The following ANKRD24 variants were observed in gnomAD, a reference collection of about 807,000 sequenced individuals.
The protein encoded by ANKRD24 is ankyrin repeat domain 24.
Under a neutral mutation model 127.8 loss-of-function variants are expected in ANKRD24, and 109 were observed. The ratio of observed to expected loss-of-function variants is 0.85; its 90% CI spans 0.73 to 1.00. The LOEUF (loss-of-function observed/expected upper bound fraction) is 1.00, where lower values mean the gene tolerates loss of function less well. Among genes scored for constraint, ANKRD24 ranks in the 50% least tolerant of loss-of-function variants. ANKRD24 has a pLI of 0.00. For synonymous variants in ANKRD24, 743 were observed against 671.1 expected, an observed-to-expected ratio of 1.11 and a Z score of -1.66; for missense variants, 1,648 against 1,570.2, an observed-to-expected ratio of 1.05 and a Z score of -0.84.
Position 4,202,867 on chromosome 19 carries a change from A to T in ANKRD24, c.409-2A>T. ...GCCTCAAAGGACTCGCCCCATCCCC[A>T]GGCTTCCTGCGTGGTGGACGTCGTG... On this transcript the variant is annotated splice_acceptor_variant, in intron 6 of 21. Transcript: ENST00000318934. LOFTEE classifies it high-confidence loss of function. 6.3e-7 allele frequency: 1 copy of T among 1,588,642 alleles called. No homozygotes were observed. Among genetic ancestry groups the T allele is most frequent in the South Asian group, 1.2e-5 (1 of 86,600 alleles).
rs1027386223 is a variant in ANKRD24 at position 4,198,056 on chromosome 19, G to A, written c.37-1627G>A. On this transcript the variant is annotated intron_variant, in intron 2 of 21. Coordinates refer to ENST00000318934, the MANE Select transcript of ANKRD24 (RefSeq NM_001393985.1). The surrounding 1 kb of genome is among the most constrained non-coding windows in gnomAD (Gnocchi z 6.1). Reference sequence around the variant, plus strand: ...GCCGGCCGCGTGGAGGTGCGAGGCTGCGGACGTCGCGGGCCCGGAGGCACC... The same window carrying A: ...GCCGGCCGCGTGGAGGTGCGAGGCTACGGACGTCGCGGGCCCGGAGGCACC... The A allele has an allele frequency of 7.2e-6, 3 of 415,560 alleles. No homozygotes were observed. Among genetic ancestry groups the A allele is most frequent in the African/African-American group, 4.1e-5 (2 of 48,582 alleles). 25.7% of individuals were successfully genotyped at this position (415,560 alleles called of 1,614,324 possible).
chr19:4,194,528 A>G lies in ANKRD24; in HGVS notation c.37-5155A>G, dbSNP rs1360360679. 2.0e-5 allele frequency among the ~76,000 whole-genome samples: 3 copies of G among 152,028 alleles called. No homozygotes were observed. In the East Asian group the frequency reaches 5.8e-4, roughly 29 times the overall value. On this transcript the variant is annotated intron_variant, in intron 2 of 21. Coordinates refer to ENST00000318934, the MANE Select transcript of ANKRD24 (RefSeq NM_001393985.1). ...ATTTTGCTTTTCTCTCCCCCCTCCAACGACTCACACGTGTAAATACCATTC... is the reference window on the plus strand; with the variant it reads ...ATTTTGCTTTTCTCTCCCCCCTCCAGCGACTCACACGTGTAAATACCATTC...
In ANKRD24 at chr19:4,215,100, G is replaced by C. The variant is rs886575042; in HGVS notation, c.1198-878G>C. On this transcript the variant is annotated intron_variant, in intron 15 of 21. Transcript: ENST00000318934. Reference sequence around the variant, plus strand: ...CATGGCACATAGGCCAGGAAGCTGGGGGATGCTGGCATACACCATGCATCT... The same window carrying C: ...CATGGCACATAGGCCAGGAAGCTGGCGGATGCTGGCATACACCATGCATCT... Among the ~76,000 whole-genome samples, 7 of 152,304 alleles carry C rather than the reference G, an allele frequency of 4.6e-5. No homozygotes were observed. In the East Asian group the frequency reaches 1.2e-3, roughly 25 times the overall value.
Position 4,219,630 on chromosome 19 carries a change from G to A in ANKRD24, c.3043G>A (p.Ala1015Thr), listed in dbSNP as rs753264097. ...CCTGTTCATGAAGAGTGAGCGACAC[G>A]CAGCCGAGGCACAGCTGGCCACAGC... ...EALFMKSERH[A>T]AEAQLATAEQ... The change falls in exon 19 of 22, where the codon GCA (alanine) becomes ACA (threonine). Residue 1015 changes from alanine (A) to threonine (T), a missense_variant. Transcript: ENST00000318934. 19 of 1,613,466 alleles carry A rather than the reference G, an allele frequency of 1.2e-5. No homozygotes were observed. Among genetic ancestry groups the A allele is most frequent in the Non-Finnish European group, 1.4e-5 (17 of 1,179,598 alleles).
Position 4,217,792 on chromosome 19 carries a change from C to T in ANKRD24, c.2632C>T (p.Arg878Trp), listed in dbSNP as rs1488964166. The T allele has an allele frequency of 8.2e-5, 110 of 1,333,452 alleles. No individual in the cohort carries two copies. The highest frequency in any genetic ancestry group is 9.5e-5 in the Non-Finnish European group (99 of 1,046,732). 82.6% of individuals were successfully genotyped at this position (1,333,452 alleles called of 1,614,324 possible). A position where few individuals can be genotyped will look rare whatever the true frequency, so the allele number is the denominator to read the frequency against. ...RTAAAELGRA[R>W]DAAEARVAEL... ...GGCGGCCGCGGAACTGGGCCGGGCACGGGACGCCGCTGAGGCCCGAGTGGC... is the reference window on the plus strand; with the variant it reads ...GGCGGCCGCGGAACTGGGCCGGGCATGGGACGCCGCTGAGGCCCGAGTGGC... Residue 878 changes from arginine (R) to tryptophan (W), a missense_variant, in exon 18 of 22, where the codon CGG becomes TGG. Arg to Trp is a moderately radical substitution (Grantham distance 101). Transcript: ENST00000318934.
Position 4,218,035 on chromosome 19 carries a change from G to C in ANKRD24, c.2875G>C (p.Val959Leu). Reference sequence around the variant, plus strand: ...GCGCGCGGAGCTGGAGCGGGAGCGTGTGTGCAGCGTGGCGCTCTCGGAGCA... The same window carrying C: ...GCGCGCGGAGCTGGAGCGGGAGCGTCTGTGCAGCGTGGCGCTCTCGGAGCA... The part of the protein sequence containing the change: ...RLRAELERER[V>L]CSVALSEHER... The change falls in exon 18 of 22, where the codon GTG becomes CTG. Residue 959 changes from valine to leucine, a missense_variant. Physicochemically the swap from Val to Leu is conservative, Grantham distance 32. Coordinates refer to ENST00000318934, the MANE Select transcript of ANKRD24 (RefSeq NM_001393985.1). 1 of 1,559,152 alleles carries C rather than the reference G, an allele frequency of 6.4e-7. No homozygotes were observed. The highest frequency in any genetic ancestry group is 8.6e-7 in the Non-Finnish European group (1 of 1,157,718).
chr19:4,208,648 C>T (rs1658570717), intron 10 of ANKRD24, 116 bp from the exon 11 acceptor site: 4 of 1,015,636 alleles, frequency 3.9e-6, no homozygotes, highest in Non-Finnish European at 4.4e-6. Flanking sequence ...AGATTTCTAC[C>T]TTAAACGCCC....
rs771278821 is a variant in ANKRD24, at chr19:4,207,231, C to T, written c.467-11C>T. On this transcript the variant is annotated splice_polypyrimidine_tract_variant and intron_variant, in intron 7 of 21. Coordinates refer to ENST00000318934, the MANE Select transcript of ANKRD24 (RefSeq NM_001393985.1). Reference sequence around the variant, plus strand: ...GAGCTACCGCACCGGACAACCTTTTCTCTTTTGCAGCGGCTGGTGGCTGTC... The same window carrying T: ...GAGCTACCGCACCGGACAACCTTTTTTCTTTTGCAGCGGCTGGTGGCTGTC... The T allele has an allele frequency of 6.2e-7, 1 of 1,613,374 alleles. No individual in the cohort carries two copies. Among genetic ancestry groups the T allele is most frequent in the Non-Finnish European group, 8.5e-7 (1 of 1,179,738 alleles).
At chr19:4,222,457 C>T (rs1568348057) in intron 19 of ANKRD24, among the ~76,000 whole-genome samples, 1 of 152,186 alleles carries the variant, frequency 6.6e-6, no homozygotes, top group Non-Finnish European at 1.5e-5. Context: ...TAAAAACAGG[C>T]TGTGTTGGTA....
At chr19:4,220,689 G>A (rs1970394552) in intron 19 of ANKRD24, among the ~76,000 whole-genome samples, 1 of 151,798 alleles carries the variant, frequency 6.6e-6, no homozygotes, top group African/African-American at 2.4e-5. Flanking sequence ...CGAGTAGCTG[G>A]GACTACAGGC....
At chr19:4,205,321 G>A (rs1444808671) in intron 7 of ANKRD24, among the ~76,000 whole-genome samples, 1 of 152,218 alleles carries the variant, frequency 6.6e-6, no homozygotes, top group Non-Finnish European at 1.5e-5. Flanking sequence ...TGTAGATAAG[G>A]TTTGCAGCAA....
chr19:4,209,837 C>T (rs1324711840), intron 11 of ANKRD24, among the ~76,000 whole-genome samples: 1 of 152,144 alleles, frequency 6.6e-6, no homozygotes, highest in African/African-American at 2.4e-5. Flanking sequence ...AACTGAGAGA[C>T]AGAGAGGAGC....
chr19:4,215,465 C>G (rs868102397), intron 15 of ANKRD24, among the ~76,000 whole-genome samples: 28 of 116,854 alleles, frequency 2.4e-4, no homozygotes, highest in Non-Finnish European at 3.4e-4. Flanking sequence ...AGCCTGGGGG[C>G]AAAAAAAAAA....
chr19:4,198,228 G>C lies in ANKRD24; in HGVS notation c.37-1455G>C. 1.9e-6 allele frequency: 1 copy of C among 515,990 alleles called. No homozygotes were observed. The highest frequency in any genetic ancestry group is 3.4e-6 in the Non-Finnish European group (1 of 293,606). 32.0% of individuals were successfully genotyped at this position (515,990 alleles called of 1,614,324 possible). ...CCAGGCGACAAGGTCAGGAGGGGCC[G>C]GGGCGGCGCCCCTTCCCTCAGCCCC... On this transcript the variant is annotated intron_variant, in intron 2 of 21. Coordinates refer to ENST00000318934, the MANE Select transcript of ANKRD24 (RefSeq NM_001393985.1). This position sits in a 1 kb window ranked among gnomAD's most constrained non-coding sequence, Gnocchi z 6.1.
intron 1 of ANKRD24, among the ~76,000 whole-genome samples, chr19:4,182,985 G>GTGTGTGTGTGTC (rs1967819764): frequency 6.6e-6 from 1 of 151,352 alleles, no homozygotes; most frequent in Admixed American, 6.6e-5. Flanking sequence ...GTGTGTGTGT[G>GTGTGTGTGTGTC]TGTGTGTGTG....
Position 4,217,575 on chromosome 19 carries a change from G to T in ANKRD24, c.2415G>T (p.Leu805=). 1 of 1,308,788 alleles carries T rather than the reference G, an allele frequency of 7.6e-7. No homozygotes were observed. Among genetic ancestry groups the T allele is most frequent in the Non-Finnish European group, 9.7e-7 (1 of 1,032,950 alleles). The allele number at this position is 1,308,788 out of a possible 1,614,324, so 81.1% of individuals were successfully genotyped here. A position where few individuals can be genotyped will look rare whatever the true frequency, so the allele number is the denominator to read the frequency against. Reference sequence around the variant, plus strand: ...ACCTCCGAGACCGGGACTCCCGCCTGCGGGAGCTGGAGGCGGCCTCGGCCT... The same window carrying T: ...ACCTCCGAGACCGGGACTCCCGCCTTCGGGAGCTGGAGGCGGCCTCGGCCT... The part of the protein sequence containing the change: ...REDLRDRDSR[L]RELEAASACL... The change falls in exon 18 of 22, where the codon CTG becomes CTT. Residue 805 remains leucine (L), a synonymous_variant. Coordinates refer to ENST00000318934, the MANE Select transcript of ANKRD24 (RefSeq NM_001393985.1).
At chr19:4,207,205 T>C (rs755348569) in intron 7 of ANKRD24, 37 bp from the exon 8 acceptor site, 7 of 1,599,992 alleles carry the variant, frequency 4.4e-6, no homozygotes, top group Admixed American at 1.7e-5. Context: ...ATTACAGGGT[T>C]GAGCTACCGC....
intron 15 of ANKRD24, among the ~76,000 whole-genome samples, chr19:4,213,900 G>A (rs1462109494): frequency 6.6e-6 from 1 of 152,164 alleles, no homozygotes; most frequent in Non-Finnish European, 1.5e-5. Flanking sequence ...CTCCCAAAGT[G>A]CTGGGATTAC....
chr19:4,220,824 G>C (rs138278389), intron 19 of ANKRD24, among the ~76,000 whole-genome samples: 2 of 152,002 alleles, frequency 1.3e-5, no homozygotes, highest in Non-Finnish European at 2.9e-5. Flanking sequence ...CAGAGTGCTG[G>C]GATTACAGGC....
Sources: allele counts gnomAD v4.1 joint callset (sites outside exome capture counted in the v4.1 genomes callset), GRCh38; gene constraint gnomAD v4.1.1; non-coding constraint Gnocchi (gnomAD v3.1); transcripts MANE v1.5; gene names NCBI Gene and HGNC (gene_info 2026-07-23, HGNC 2026-07-21).